The following POLR1A variants were observed in gnomAD, a reference collection of about 807,000 sequenced individuals.
POLR1A encodes RNA polymerase I subunit A.
A neutral mutation model predicts 205.3 loss-of-function variants in POLR1A; 84 were observed. The observed-to-expected ratio is 0.41, with a 90% CI of 0.34 to 0.49. The LOEUF (loss-of-function observed/expected upper bound fraction) is 0.49, where lower values mean the gene tolerates loss of function less well. Ranked by LOEUF, POLR1A falls within the 20% of genes least tolerant of loss-of-function variation. POLR1A has a pLI of 0.22. For synonymous variants in POLR1A, 799 were observed against 863.7 expected (o/e 0.93, Z 1.31); for missense variants, 1,645 against 2,204.5 (o/e 0.75, Z 5.08).
chr2:86,087,607 A>T (rs1673525439), intron 6 of POLR1A, among the ~76,000 whole-genome samples: 1 of 152,208 alleles, frequency 6.6e-6, no homozygotes, highest in Non-Finnish European at 1.5e-5. Context: ...CGGTGGCACG[A>T]TCTCAGCTCA....
At chr2:86,077,777 C>G in intron 11 of POLR1A, 82 bp downstream of exon 11, 1 of 1,527,310 alleles carries the variant, frequency 6.5e-7, no homozygotes, top group Non-Finnish European at 9.0e-7. Flanking sequence ...CATCTGCCAC[C>G]CACGGGGAGC....
At chr2:86,102,762 G>C (rs1358880871) in intron 1 of POLR1A, among the ~76,000 whole-genome samples, 1 of 152,166 alleles carries the variant, frequency 6.6e-6, no homozygotes, top group Admixed American at 6.5e-5. Flanking sequence ...TGAAGAGTAG[G>C]GGCAACTAGC....
rs1367926135 is a variant in POLR1A, at chr2:86,038,690, G to A, written c.4034+10C>T. On this transcript the variant is annotated intron_variant, in intron 27 of 33. Transcript: ENST00000263857. ...TCAAGGTCAATGACAATCACAGCCT[G>A]AGCCCTGACCTTGTTTCCATGAAGC... is the stretch of plus-strand genomic sequence containing the variant. The A allele has an allele frequency of 5.0e-6, 8 of 1,612,460 alleles. No individual in the cohort carries two copies. The highest frequency in any genetic ancestry group is 6.8e-6 in the Non-Finnish European group (8 of 1,179,648).
chr2:86,057,493 A>C (rs558698852), intron 14 of POLR1A, among the ~76,000 whole-genome samples: 5 of 152,352 alleles, frequency 3.3e-5, no homozygotes, highest in Admixed American at 3.3e-4. Context: ...ACACACGTTC[A>C]TACAAAAACT....
Position 86,030,224 on chromosome 2 carries a change from T to C in POLR1A, c.4751A>G (p.Asn1584Ser). The change falls in exon 31 of 34, where the codon AAC (asparagine) becomes AGC (serine). Residue 1584 changes from asparagine to serine, a missense_variant. Transcript: ENST00000263857. ...KELVLNTEGI[N>S]LPELFKYAEV... ...TGCATACTTGAATAGCTCTGGGAGG[T>C]TGATTCCTTCTGTGTTTAGCACAAG... The C allele has an allele frequency of 6.2e-7, 1 of 1,614,078 alleles. No homozygotes were observed.
chr2:86,043,743 C>T (rs903097802), intron 22 of POLR1A, among the ~76,000 whole-genome samples: 3 of 152,186 alleles, frequency 2.0e-5, no homozygotes, highest in African/African-American at 7.2e-5. Flanking sequence ...GCTGGCTCTG[C>T]CACTCACCGA....
chr2:86,039,614 T>G, intron 25 of POLR1A, 152 bp from the exon 26 acceptor site: 1 of 942,868 alleles, frequency 1.1e-6, no homozygotes, highest in Non-Finnish European at 1.6e-6. Flanking sequence ...GAATCCCAGC[T>G]CTGGCCTCGT....
At chr2:86,046,308 C>T (rs139776677) in intron 19 of POLR1A, among the ~76,000 whole-genome samples, 185 of 151,934 alleles carry the variant, frequency 1.2e-3, no homozygotes, top group African/African-American at 4.3e-3. Context: ...ACAACAACAA[C>T]AACAAAATGG....
chr2:86,080,801 C>T lies in POLR1A; in HGVS notation c.1086+15G>A, dbSNP rs772174926. ...GCATGTGTGCTCATCACATCAGCAACAGAGCAGCCCTGACCTCATCTGTAG... is the reference window on the plus strand; with the variant it reads ...GCATGTGTGCTCATCACATCAGCAATAGAGCAGCCCTGACCTCATCTGTAG... On this transcript the variant is annotated intron_variant, in intron 9 of 33. Coordinates refer to ENST00000263857, the MANE Select transcript of POLR1A (RefSeq NM_015425.6). 10 of 1,595,104 alleles carry T rather than the reference C, an allele frequency of 6.3e-6. No homozygotes were observed. The highest frequency in any genetic ancestry group is 8.5e-6 in the Non-Finnish European group (10 of 1,170,458).
Position 86,028,687 on chromosome 2 carries a change from A to T in POLR1A, c.4804T>A (p.Ser1602Thr). The T allele has an allele frequency of 1.2e-6, 2 of 1,614,018 alleles. No individual in the cohort carries two copies. Among genetic ancestry groups the T allele is most frequent in the Non-Finnish European group, 1.7e-6 (2 of 1,179,916 alleles). ...TTGGCTATGGCGTGGATGTCGTTGG[A>T]GTAGAGGCGGCGCAGATCCAGGACC... is the stretch of plus-strand genomic sequence containing the variant. The part of the protein sequence containing the change: ...AEVLDLRRLY[S>T]NDIHAIANTY... The change falls in exon 32 of 34, where the codon TCC (serine) becomes ACC (threonine). Residue 1602 changes from serine to threonine, a missense_variant. By Grantham distance (58) the Ser-to-Thr change is moderately conservative (BLOSUM62 1). This residue lies in a region of POLR1A where 394 missense variants were observed against 468.5 expected (regional missense o/e 0.84). Transcript: ENST00000263857. The surrounding 1 kb of genome is among the most constrained non-coding windows in gnomAD (Gnocchi z 4.5).
intron 14 of POLR1A, among the ~76,000 whole-genome samples, chr2:86,061,938 C>A (rs1156447305): frequency 6.6e-6 from 1 of 152,130 alleles, no homozygotes; most frequent in Non-Finnish European, 1.5e-5. Context: ...TGTGAATGTG[C>A]ACTGAGTTAT....
At chr2:86,074,859 T>C (rs1320538741) in intron 12 of POLR1A, among the ~76,000 whole-genome samples, 171 bp downstream of exon 12, 1 of 152,186 alleles carries the variant, frequency 6.6e-6, no homozygotes, top group East Asian at 1.9e-4. Context: ...CAGCCATTCT[T>C]CTGCCCGGAG....
Position 86,070,415 on chromosome 2 carries a change from G to A in POLR1A, c.1612-143C>T, listed in dbSNP as rs1558776660. 2.3e-6 allele frequency: 2 copies of A among 869,278 alleles called. No homozygotes were observed. Among genetic ancestry groups the A allele is most frequent in the Admixed American group, 2.8e-5 (1 of 35,486 alleles). 53.8% of individuals were successfully genotyped at this position (869,278 alleles called of 1,614,324 possible). On this transcript the variant is annotated intron_variant, in intron 12 of 33. Transcript: ENST00000263857. The surrounding 1 kb of genome is among the most constrained non-coding windows in gnomAD (Gnocchi z 4.4). Reference sequence around the variant, plus strand: ...TAAATGCAAGGGGAATTTTTCATCTGGAGCAAAACCCTGGAAATCTCTGAG... The same window carrying A: ...TAAATGCAAGGGGAATTTTTCATCTAGAGCAAAACCCTGGAAATCTCTGAG...
intron 12 of POLR1A, among the ~76,000 whole-genome samples, chr2:86,072,076 A>C (rs1343467236): frequency 6.6e-6 from 1 of 152,216 alleles, no homozygotes; most frequent in Non-Finnish European, 1.5e-5. Flanking sequence ...GATACTCCCC[A>C]AAACTCTCTC....
At chr2:86,038,916 G>A in intron 26 of POLR1A, 59 bp from the exon 27 acceptor site, 2 of 1,516,670 alleles carry the variant, frequency 1.3e-6, no homozygotes, top group South Asian at 1.1e-5. Flanking sequence ...ACTGCGCAAT[G>A]TGAGTGGGTT....
intron 14 of POLR1A, among the ~76,000 whole-genome samples, chr2:86,056,180 G>A (rs1445661852): frequency 1.3e-5 from 2 of 152,034 alleles, no homozygotes; most frequent in South Asian, 2.1e-4. Context: ...GGCCAGGTGT[G>A]GTGGCTCACA....
At chr2:86,093,716 G>C (rs929796151) in intron 3 of POLR1A, among the ~76,000 whole-genome samples, 1 of 152,144 alleles carries the variant, frequency 6.6e-6, no homozygotes, top group Non-Finnish European at 1.5e-5. Context: ...TGTAGTTCCA[G>C]CTACTCGTGA....
intron 13 of POLR1A, among the ~76,000 whole-genome samples, chr2:86,068,923 G>A (rs1368272798): frequency 6.6e-6 from 1 of 152,234 alleles, no homozygotes; most frequent in East Asian, 1.9e-4. Flanking sequence ...AGGCATCTCT[G>A]AGCAGCCCCT....
intron 12 of POLR1A, 67 bp downstream of exon 12, chr2:86,074,963 T>G (rs553446632): frequency 1.8e-6 from 2 of 1,131,748 alleles, no homozygotes; most frequent in Admixed American, 4.1e-5. Flanking sequence ...CCACACCTGA[T>G]GGCCACCAAT....
Sources: allele counts gnomAD v4.1 joint callset (sites outside exome capture counted in the v4.1 genomes callset), GRCh38; gene constraint gnomAD v4.1.1; regional missense constraint gnomAD v4.1.1; non-coding constraint Gnocchi (gnomAD v3.1); transcripts MANE v1.5; gene names NCBI Gene and HGNC (gene_info 2026-07-23, HGNC 2026-07-21).